Variants in UNC79 observed in about 807,000 individuals in gnomAD.
The protein encoded by UNC79 is unc-79 subunit of NALCN channel complex, also known as protein unc-79 homolog.
In UNC79, 37 loss-of-function variants were observed where a neutral mutation model predicts 283.1. That is an observed-to-expected ratio of 0.13 (90% CI 0.10 to 0.17). The LOEUF (loss-of-function observed/expected upper bound fraction) is 0.17. Ranked by LOEUF, UNC79 falls within the 10% of genes least tolerant of loss-of-function variation. UNC79 has a pLI of 1.00. For missense variants in UNC79, 2,272 were observed against 3,211.1 expected, an observed-to-expected ratio of 0.71 and a Z score of 7.07; for synonymous variants, 1,107 against 1,200.2, an observed-to-expected ratio of 0.92 and a Z score of 1.61.
chr14:93,386,850 TA>T (rs548672161), intron 1 of UNC79, among the ~76,000 whole-genome samples: 284 of 151,928 alleles, frequency 1.9e-3, no homozygotes, highest in Non-Finnish European at 2.8e-3. Flanking sequence ...CACTCTTGTT[TA>T]TCTTTTTAAA....
intron 14 of UNC79, among the ~76,000 whole-genome samples, chr14:93,570,481 C>T (rs182380120): frequency 1.3e-5 from 2 of 152,318 alleles, no homozygotes; most frequent in Non-Finnish European, 2.9e-5. Flanking sequence ...AGCCCATTGA[C>T]CTGTAAAGGG....
At chr14:93,513,191 C>A (rs2059907892) in intron 7 of UNC79, among the ~76,000 whole-genome samples, 1 of 131,978 alleles carries the variant, frequency 7.6e-6, no homozygotes, top group Non-Finnish European at 1.6e-5. Context: ...CCCTCCCTCC[C>A]TTCCTTCCTT....
intron 39 of UNC79, among the ~76,000 whole-genome samples, 200 bp from the exon 43 acceptor site, chr14:93,662,404 G>T (rs1316733474): frequency 6.6e-6 from 1 of 152,122 alleles, no homozygotes; most frequent in Non-Finnish European, 1.5e-5. Context: ...GAAATGATTT[G>T]GTCCTGCTCT....
intron 40 of UNC79, among the ~76,000 whole-genome samples, chr14:93,670,903 A>T (rs1486798348): frequency 6.6e-6 from 1 of 152,254 alleles, no homozygotes; most frequent in Non-Finnish European, 1.5e-5. Context: ...CAGATACAGG[A>T]TCAAAGACCA....
At chr14:93,629,123 T>C (rs1374449222) in intron 30 of UNC79, among the ~76,000 whole-genome samples, 3 of 152,028 alleles carry the variant, frequency 2.0e-5, no homozygotes, top group African/African-American at 7.2e-5. Flanking sequence ...CACTTGAACC[T>C]AGGAGGCAGA....
intron 34 of UNC79, among the ~76,000 whole-genome samples, 195 bp downstream of exon 37, chr14:93,643,892 G>A (rs573049123): frequency 6.6e-6 from 1 of 152,316 alleles, no homozygotes; most frequent in East Asian, 1.9e-4. Flanking sequence ...GTAGGGTCAT[G>A]AGTCACAATG....
intron 1 of UNC79, among the ~76,000 whole-genome samples, chr14:93,380,506 G>A (rs1326331615): frequency 6.6e-6 from 1 of 152,148 alleles, no homozygotes; most frequent in Non-Finnish European, 1.5e-5. Flanking sequence ...CCACTCTAAG[G>A]TGGTCTCCTT....
At chr14:93,573,498 A>C (rs572810756) in intron 16 of UNC79, among the ~76,000 whole-genome samples, 2 of 152,332 alleles carry the variant, frequency 1.3e-5, no homozygotes, top group Admixed American at 6.5e-5. Context: ...GTTCAATTAA[A>C]GTTTATTAAA....
At chr14:93,385,473 A>AT (rs1440069520) in intron 1 of UNC79, among the ~76,000 whole-genome samples, 1 of 152,060 alleles carries the variant, frequency 6.6e-6, no homozygotes, top group Non-Finnish European at 1.5e-5. Context: ...ATTTTTCACT[A>AT]TTGACATATA....
chr14:93,408,158 T>A (rs2055264924), intron 1 of UNC79, among the ~76,000 whole-genome samples: 1 of 152,190 alleles, frequency 6.6e-6, no homozygotes, highest in Non-Finnish European at 1.5e-5. Flanking sequence ...TTTGGAATGA[T>A]GAGACTGGAC....
chr14:93,362,231 AT>A (rs1425003831), intron 1 of UNC79, among the ~76,000 whole-genome samples: 1 of 151,542 alleles, frequency 6.6e-6, no homozygotes, highest in Non-Finnish European at 1.5e-5. Context: ...CTTCTTTGTC[AT>A]TTTTTTTGAA....
At chr14:93,408,839 A>T (rs1318706651) in intron 1 of UNC79, among the ~76,000 whole-genome samples, 1 of 152,210 alleles carries the variant, frequency 6.6e-6, no homozygotes. Context: ...GTATATGGGA[A>T]CTCTGTACTA....
chr14:93,343,220 A>T (rs539436193), intron 1 of UNC79, among the ~76,000 whole-genome samples: 3 of 152,340 alleles, frequency 2.0e-5, no homozygotes, highest in East Asian at 3.9e-4. Flanking sequence ...CTGAGACTGG[A>T]TAGTTTATAA....
intron 22 of UNC79, among the ~76,000 whole-genome samples, chr14:93,589,041 T>G (rs527755445): frequency 1.3e-4 from 20 of 152,236 alleles, no homozygotes; most frequent in Admixed American, 9.8e-4. Context: ...TGTTGGGAAC[T>G]TCAGGAACAT....
chr14:93,615,741 AAAAAG>A (rs1566782248), intron 27 of UNC79, among the ~76,000 whole-genome samples: 5 of 142,802 alleles, frequency 3.5e-5, no homozygotes, highest in African/African-American at 1.2e-4. Context: ...AAAAAAAAAA[AAAAAG>A]AAAAGAAGAA....
chr14:93,561,582 G>A (rs913497103), intron 14 of UNC79, among the ~76,000 whole-genome samples: 1 of 152,150 alleles, frequency 6.6e-6, no homozygotes, highest in Non-Finnish European at 1.5e-5. Context: ...GAAATGGCTA[G>A]GAGAGAGTGA....
intron 1 of UNC79, among the ~76,000 whole-genome samples, chr14:93,451,689 C>T (rs2056648686): frequency 6.6e-6 from 1 of 152,192 alleles, no homozygotes; most frequent in Admixed American, 6.5e-5. Context: ...CAATCCCCCA[C>T]ATTTTTTTTA....
In UNC79 at chr14:93,393,714, A is replaced by T. The variant is rs1278484082; in HGVS notation, c.-351+60191A>T. 7.2e-5 allele frequency among the ~76,000 whole-genome samples: 11 copies of T among 152,278 alleles called. No individual in the cohort carries two copies. The East Asian group carries it at 2.1e-3, about 29-fold the overall frequency. On this transcript the variant is annotated intron_variant, in intron 1 of 49. Transcript: ENST00000256339. ...GAACAATAAAATTGAAGCAATTTTT[A>T]AAAAGCCATACCATTATTAGAAATT...
chr14:93,593,664 C>A lies in UNC79; in HGVS notation c.3033-16C>A, dbSNP rs1566731383. On this transcript the variant is annotated splice_polypyrimidine_tract_variant and intron_variant, in intron 22 of 48. Transcript: ENST00000555664. ...TGTGATAACTGTCACCACTTTGCTT[C>A]TCCTTGATTCCCTAGCCTGTGGAGG... 1 of 1,595,952 alleles carries A rather than the reference C, an allele frequency of 6.3e-7. No individual in the cohort carries two copies. The highest frequency in any genetic ancestry group is 8.5e-7 in the Non-Finnish European group (1 of 1,173,782).
Sources: allele counts gnomAD v4.1 joint callset (sites outside exome capture counted in the v4.1 genomes callset), GRCh38; gene constraint gnomAD v4.1.1; transcripts MANE v1.5; gene names NCBI Gene and HGNC (gene_info 2026-07-23, HGNC 2026-07-21).